The following SAMD5 variants were observed in gnomAD, a reference collection of about 807,000 sequenced individuals.
SAMD5 encodes sterile alpha motif domain-containing protein 5.
Under a neutral mutation model 11.3 loss-of-function variants are expected in SAMD5, and 13 were observed. The observed-to-expected ratio is 1.15, with a 90% CI of 0.75 to 1.83. The LOEUF is 1.83. Ranked by LOEUF, SAMD5 falls within the 40% of genes most tolerant of loss-of-function variation. The probability of loss-of-function intolerance (pLI) is 0.00; values close to 1 mark genes in which losing one functional copy is unlikely to be tolerated. For synonymous variants in SAMD5, 129 were observed against 111.3 expected, an observed-to-expected ratio of 1.16 and a Z score of -1.00; for missense variants, 255 against 239.1, an observed-to-expected ratio of 1.07 and a Z score of -0.44.
rs535105929 is a variant in SAMD5, at chr6:147,680,563, T to C, written c.163-56754T>C. Reference sequence around the variant, plus strand: ...CCATTACTATGTTTAATAGATATGGTGAGCAGATGTGGTTGCTTTGTACTT... The same window carrying C: ...CCATTACTATGTTTAATAGATATGGCGAGCAGATGTGGTTGCTTTGTACTT... On this transcript the variant is annotated intron_variant, in intron 1 of 1. Transcript: ENST00000566741. Among the ~76,000 whole-genome samples the C allele has an allele frequency of 9.9e-4, 151 of 152,240 alleles. 1 individual carries two copies. Among genetic ancestry groups the C allele is most frequent in the African/African-American group, 3.5e-3 (147 of 41,576 alleles).
chr6:147,875,557 C>T, the SAMD5 span, among the ~76,000 whole-genome samples: 1 of 152,184 alleles, frequency 6.6e-6, no homozygotes, highest in Non-Finnish European at 1.5e-5. Flanking sequence ...GGGTCCCCAG[C>T]CCCTGGTCTG....
At chr6:147,791,530 A>G in the SAMD5 span, among the ~76,000 whole-genome samples, 7 of 152,086 alleles carry the variant, frequency 4.6e-5, no homozygotes, top group Non-Finnish European at 8.8e-5. Flanking sequence ...TCTACTCATA[A>G]CTGTTAGACC....
At chr6:147,826,094 T>G in the SAMD5 span, among the ~76,000 whole-genome samples, 1 of 152,230 alleles carries the variant, frequency 6.6e-6, no homozygotes, top group Non-Finnish European at 1.5e-5. Flanking sequence ...CATGGCAACA[T>G]TTTTGTTCAA....
intron 1 of SAMD5, among the ~76,000 whole-genome samples, chr6:147,654,119 C>T (rs1443808435): frequency 6.6e-6 from 1 of 152,088 alleles, no homozygotes; most frequent in Non-Finnish European, 1.5e-5. Context: ...ACGCTTTCTC[C>T]TCCAGGATAA....
the SAMD5 span, among the ~76,000 whole-genome samples, chr6:147,794,409 T>C: frequency 6.6e-6 from 1 of 152,192 alleles, no homozygotes; most frequent in Non-Finnish European, 1.5e-5. Context: ...GACTTATTAT[T>C]TCTTTAATTA....
At chr6:147,781,832 A>G in the SAMD5 span, among the ~76,000 whole-genome samples, 1 of 151,314 alleles carries the variant, frequency 6.6e-6, no homozygotes. Context: ...TAGGGCCACC[A>G]TTTAATATGT....
chr6:147,729,198 A>G (rs971286606), intron 1 of SAMD5, among the ~76,000 whole-genome samples: 2 of 152,184 alleles, frequency 1.3e-5, no homozygotes, highest in Non-Finnish European at 2.9e-5. Context: ...ATATTGGATT[A>G]GGGCCCCACC....
At chr6:147,761,827 C>T in the SAMD5 span, among the ~76,000 whole-genome samples, 1 of 152,200 alleles carries the variant, frequency 6.6e-6, no homozygotes, top group East Asian at 1.9e-4. Flanking sequence ...ATTCTCCTGT[C>T]TCAGCCTCCC....
chr6:147,548,160 T>A lies in SAMD5; in HGVS notation c.460-16234T>A, dbSNP rs554426192. Among the ~76,000 whole-genome samples the A allele has an allele frequency of 2.6e-5, 4 of 152,278 alleles. No individual in the cohort carries two copies. In the South Asian group the frequency reaches 8.3e-4, roughly 32 times the overall value. On this transcript the variant is annotated intron_variant, in intron 1 of 1. Transcript: ENST00000367474. The stretch of plus-strand genomic sequence containing the variant: ...AAGAGATTTAGCGGGGAGTGGGAAG[T>A]AGAGAGACAGCACAGAGGGTAAAAG...
the SAMD5 span, among the ~76,000 whole-genome samples, chr6:147,768,293 T>C: frequency 1.3e-5 from 2 of 151,920 alleles, no homozygotes; most frequent in African/African-American, 4.8e-5. Flanking sequence ...AGGTCAGGAG[T>C]TCGAAACCAG....
chr6:147,754,925 T>C, the SAMD5 span, among the ~76,000 whole-genome samples: 1 of 152,176 alleles, frequency 6.6e-6, no homozygotes, highest in Non-Finnish European at 1.5e-5. Context: ...TCTATGTGTC[T>C]ATTTTTATGC....
the SAMD5 span, among the ~76,000 whole-genome samples, chr6:147,747,789 C>A: frequency 1.3e-5 from 2 of 152,144 alleles, no homozygotes; most frequent in African/African-American, 4.8e-5. Flanking sequence ...CTGTTCTATT[C>A]CTTCTTGAAT....
At chr6:147,662,682 G>T (rs1206834122) in intron 1 of SAMD5, among the ~76,000 whole-genome samples, 1 of 152,138 alleles carries the variant, frequency 6.6e-6, no homozygotes, top group Non-Finnish European at 1.5e-5. Context: ...CAGATGAAAA[G>T]CCTTGGGGTA....
the SAMD5 span, among the ~76,000 whole-genome samples, chr6:147,859,178 G>A: frequency 6.6e-6 from 1 of 152,206 alleles, no homozygotes; most frequent in African/African-American, 2.4e-5. Flanking sequence ...ATGTCCCCAA[G>A]TGGAGCCTCC....
chr6:147,779,155 A>G, the SAMD5 span, among the ~76,000 whole-genome samples: 2 of 152,220 alleles, frequency 1.3e-5, no homozygotes, highest in South Asian at 2.1e-4. Context: ...ATGTATATAT[A>G]CCTACACATA....
the SAMD5 span, among the ~76,000 whole-genome samples, chr6:147,791,865 A>T: frequency 6.6e-6 from 1 of 152,212 alleles, no homozygotes; most frequent in African/African-American, 2.4e-5. Context: ...TGCCAATTAT[A>T]TGACTTACGA....
chr6:147,875,404 C>T, the SAMD5 span, among the ~76,000 whole-genome samples: 1 of 152,144 alleles, frequency 6.6e-6, no homozygotes, highest in East Asian at 1.9e-4. Flanking sequence ...ACCTTCTTTA[C>T]ACCCCCACAT....
the SAMD5 span, among the ~76,000 whole-genome samples, chr6:147,749,271 G>A: frequency 6.6e-6 from 1 of 151,338 alleles, no homozygotes; most frequent in Non-Finnish European, 1.5e-5. Context: ...CTAGTTTCAA[G>A]CGATTCTCCT....
chr6:147,778,093 A>G, the SAMD5 span, among the ~76,000 whole-genome samples: 1 of 152,214 alleles, frequency 6.6e-6, no homozygotes, highest in Non-Finnish European at 1.5e-5. Context: ...CTTACCAGCA[A>G]TGCACTAGAG....
Sources: gnomAD v4.1 joint callset for allele counts (sites outside exome capture counted in the v4.1 genomes callset) on GRCh38, gnomAD v4.1.1 for gene constraint, MANE v1.5 for transcripts, NCBI Gene and HGNC (gene_info 2026-07-23, HGNC 2026-07-21) for gene names.